Variants in ADAMTS14 observed in about 807,000 individuals in gnomAD.
ADAMTS14 encodes the protein A disintegrin and metalloproteinase with thrombospondin motifs 14.
Under a neutral mutation model 128.6 loss-of-function variants are expected in ADAMTS14, and 100 were observed. The ratio of observed to expected loss-of-function variants is 0.78; its 90% CI spans 0.66 to 0.92. The LOEUF is 0.92. ADAMTS14 is among the 40% of genes least tolerant of loss of function. ADAMTS14 has a pLI of 0.00. For missense variants in ADAMTS14, 1,562 were observed against 1,658.6 expected (o/e 0.94, Z 1.01); for synonymous variants, 665 against 653.8 (o/e 1.02, Z -0.26).
At chr10:70,733,479 T>A (rs1180747826) in intron 7 of ADAMTS14, among the ~76,000 whole-genome samples, 1 of 152,194 alleles carries the variant, frequency 6.6e-6, no homozygotes, top group Non-Finnish European at 1.5e-5. Flanking sequence ...AAAGGCCCTC[T>A]GTGGGAAGCC....
chr10:70,675,780 A>G (rs536088503), intron 2 of ADAMTS14, among the ~76,000 whole-genome samples: 93 of 152,138 alleles, frequency 6.1e-4, no homozygotes, highest in African/African-American at 2.2e-3. Flanking sequence ...GCTCCTCCTC[A>G]GTGTGCAGGC....
intron 2 of ADAMTS14, among the ~76,000 whole-genome samples, chr10:70,698,072 C>G (rs530925208): frequency 7.9e-5 from 12 of 152,264 alleles, no homozygotes; most frequent in African/African-American, 2.9e-4. Context: ...GTATGTGGCT[C>G]AATTGGATGT....
At position 70,760,637 on chromosome 10, in the gene ADAMTS14, A is replaced by G; in HGVS notation, c.3456A>G (p.Pro1152=). Residue 1152 remains proline, a synonymous_variant, in exon 22 of 22, where the codon CCA becomes CCG. Transcript: ENST00000373207. ...AGCATGGCCGAGCCACACAGCTCCC[A>G]GGAGCTCTGGATACAAGCTCCCCAG... ...DHQHGRATQL[P]GALDTSSPGT... 1 of 1,614,136 alleles carries G rather than the reference A, an allele frequency of 6.2e-7. No homozygotes were observed.
At chr10:70,711,032 C>T (rs1433943256) in intron 4 of ADAMTS14, among the ~76,000 whole-genome samples, 1 of 152,160 alleles carries the variant, frequency 6.6e-6, no homozygotes, top group African/African-American at 2.4e-5. Flanking sequence ...CTGTGTTGCT[C>T]AGGGATCCAT....
At chr10:70,703,396 T>C (rs1052602947) in intron 3 of ADAMTS14, among the ~76,000 whole-genome samples, 4 of 152,236 alleles carry the variant, frequency 2.6e-5, no homozygotes, top group Non-Finnish European at 5.9e-5. Context: ...GGACTGGGCC[T>C]GGTGTGAGAA....
chr10:70,680,615 G>A (rs1383299453), intron 2 of ADAMTS14, among the ~76,000 whole-genome samples: 1 of 152,134 alleles, frequency 6.6e-6, no homozygotes, highest in African/African-American at 2.4e-5. Flanking sequence ...TCTGTAGGAA[G>A]GGCAGAGGAA....
At chr10:70,708,188 A>G (rs2024464) in intron 3 of ADAMTS14, among the ~76,000 whole-genome samples, 22,224 of 152,042 alleles carry the variant, frequency 0.15, 1,966 homozygotes, top group Middle Eastern at 0.24. Flanking sequence ...TTATGGAGAT[A>G]TTGCCAACTT....
intron 2 of ADAMTS14, among the ~76,000 whole-genome samples, chr10:70,681,801 A>G (rs574601574): frequency 2.0e-5 from 3 of 152,230 alleles, no homozygotes; most frequent in African/African-American, 7.2e-5. Context: ...GTCCCCTTAC[A>G]TCTTGACCTG....
intron 2 of ADAMTS14, among the ~76,000 whole-genome samples, chr10:70,701,208 CAGA>C (rs1420401920): frequency 1.3e-5 from 2 of 152,292 alleles, no homozygotes. Context: ...AGCCTCAGAA[CAGA>C]AGGAGGTGGG....
intron 6 of ADAMTS14, among the ~76,000 whole-genome samples, chr10:70,730,636 A>G (rs914020634): frequency 6.6e-6 from 1 of 152,138 alleles, no homozygotes; most frequent in African/African-American, 2.4e-5. Flanking sequence ...GCTGCAGAAC[A>G]GGAAGTCTGT....
chr10:70,710,601 A>C (rs1320645544), intron 4 of ADAMTS14, among the ~76,000 whole-genome samples: 1 of 152,230 alleles, frequency 6.6e-6, no homozygotes, highest in Non-Finnish European at 1.5e-5. Flanking sequence ...TAAGAGGAAT[A>C]TTAGTGAATC....
chr10:70,708,492 G>A (rs1228072606), intron 3 of ADAMTS14, 96 bp from the exon 4 acceptor site: 22 of 1,086,828 alleles, frequency 2.0e-5, no homozygotes, highest in South Asian at 3.2e-5. Flanking sequence ...AGGGAAAGGG[G>A]CACCAGTGAT....
At position 70,738,974 on chromosome 10, in the gene ADAMTS14, A is replaced by G; in HGVS notation, c.1732A>G (p.Ser578Gly). 1 of 1,610,114 alleles carries G rather than the reference A, an allele frequency of 6.2e-7. No individual in the cohort carries two copies. ...CGGGVRSRSR[S>G]CNNPSPAYGG... Reference sequence around the variant, plus strand: ...GGGCGGGGTGCGATCCCGCAGCCGGAGCTGCAACAACCCCTCGTGAGTGTG... The same window carrying G: ...GGGCGGGGTGCGATCCCGCAGCCGGGGCTGCAACAACCCCTCGTGAGTGTG... The change falls in exon 11 of 22, where the codon AGC becomes GGC. Residue 578 changes from serine to glycine, a missense_variant. Physicochemically the swap from Ser to Gly is moderately conservative, Grantham distance 56. Transcript: ENST00000373207.
chr10:70,716,997 G>A (rs1841074928), intron 4 of ADAMTS14, among the ~76,000 whole-genome samples: 1 of 152,200 alleles, frequency 6.6e-6, no homozygotes, highest in African/African-American at 2.4e-5. Context: ...GCTGGGCGCT[G>A]TCTTTTTCTG....
At chr10:70,750,437 C>T (rs532535664) in intron 16 of ADAMTS14, among the ~76,000 whole-genome samples, 1 of 152,300 alleles carries the variant, frequency 6.6e-6, no homozygotes, top group African/African-American at 2.4e-5. Context: ...CACATCTCTG[C>T]CCATACCCCC....
chr10:70,689,183 C>T (rs1353900278), intron 2 of ADAMTS14, among the ~76,000 whole-genome samples: 1 of 143,890 alleles, frequency 6.9e-6, no homozygotes, highest in Non-Finnish European at 1.6e-5. Flanking sequence ...GTAAAATATG[C>T]CGTCCCCTAA....
intron 4 of ADAMTS14, among the ~76,000 whole-genome samples, chr10:70,722,610 G>A (rs1252476017): frequency 2.6e-5 from 4 of 152,258 alleles, no homozygotes; most frequent in South Asian, 4.1e-4. Flanking sequence ...AGATGACCCC[G>A]GAGCATCTCC....
At chr10:70,702,934 T>C (rs1356017404) in intron 3 of ADAMTS14, among the ~76,000 whole-genome samples, 1 of 152,170 alleles carries the variant, frequency 6.6e-6, no homozygotes, top group African/African-American at 2.4e-5. Flanking sequence ...TTCAAGTCTG[T>C]CTACTGTGTG....
chr10:70,707,770 A>G (rs1410114391), intron 3 of ADAMTS14, among the ~76,000 whole-genome samples: 1 of 152,144 alleles, frequency 6.6e-6, no homozygotes, highest in African/African-American at 2.4e-5. Context: ...GTTGCATTAG[A>G]TTAGATTAGA....
Sources: gnomAD v4.1 joint callset for allele counts (sites outside exome capture counted in the v4.1 genomes callset) on GRCh38, gnomAD v4.1.1 for gene constraint, MANE v1.5 for transcripts, NCBI Gene and HGNC (gene_info 2026-07-23, HGNC 2026-07-21) for gene names.